PUDP: variants seen among roughly 807,000 people sequenced by gnomAD.
PUDP encodes pseudouridine 5'-phosphatase, also known as pseudouridine-5'-phosphatase.
Under a neutral mutation model 9.4 loss-of-function variants are expected in PUDP, and 8 were observed. The observed-to-expected ratio is 0.85, with a 90% confidence interval of 0.50 to 1.53. The LOEUF is 1.53. Ranked by LOEUF, PUDP falls within the 40% of genes most tolerant of loss-of-function variation. The pLI is 0.00. For synonymous variants in PUDP, 99 were observed against 80.7 expected (o/e 1.23, Z -1.22); for missense variants, 188 against 189.7 (o/e 0.99, Z 0.05).
At chrX:7,095,450 C>T (rs1931546709) in intron 2 of PUDP, among the ~76,000 whole-genome samples, 1 of 112,340 alleles carries the variant, frequency 8.9e-6, no homozygotes, top group South Asian at 3.7e-4. Flanking sequence ...GGCATGAATA[C>T]CCTTCAGGTG....
At chrX:6,911,712 T>G (rs753959132) in intron 3 of PUDP, among the ~76,000 whole-genome samples, 1 of 112,266 alleles carries the variant, frequency 8.9e-6, no homozygotes, top group African/African-American at 3.2e-5. Flanking sequence ...ATTTTAGAAG[T>G]GTGTTCTTAT....
chrX:6,770,795 C>G (rs1456353986), intron 3 of PUDP, among the ~76,000 whole-genome samples: 1 of 111,504 alleles, frequency 9.0e-6, no homozygotes, highest in Non-Finnish European at 1.9e-5. Context: ...ATATGCAATG[C>G]TGGGCTGCCT....
intron 3 of PUDP, among the ~76,000 whole-genome samples, chrX:6,773,748 T>G (rs1925404929): frequency 9.0e-6 from 1 of 111,432 alleles, no homozygotes; most frequent in Non-Finnish European, 1.9e-5. Context: ...CCCAGGAGTT[T>G]CCACCCCTTT....
intron 3 of PUDP, among the ~76,000 whole-genome samples, chrX:6,876,842 T>G (rs1271216115): frequency 9.1e-6 from 1 of 109,981 alleles, no homozygotes. Flanking sequence ...TAGACATATA[T>G]ACATATAGAC....
At chrX:6,822,877 C>A (rs748569287) in intron 3 of PUDP, among the ~76,000 whole-genome samples, 2 of 109,887 alleles carry the variant, frequency 1.8e-5, no homozygotes, top group East Asian at 2.8e-4. Flanking sequence ...TCAGGTAGAC[C>A]CCAGTTCCCT....
chrX:6,894,047 A>G (rs1013646380), intron 3 of PUDP, among the ~76,000 whole-genome samples: 14 of 111,437 alleles, frequency 1.3e-4, no homozygotes, highest in African/African-American at 4.6e-4. Flanking sequence ...GAGCTGATGG[A>G]TGAGAACACA....
chrX:7,108,451 G>A (rs1185459135), intron 1 of PUDP, among the ~76,000 whole-genome samples: 1 of 111,118 alleles, frequency 9.0e-6, no homozygotes, highest in Non-Finnish European at 1.9e-5. Flanking sequence ...CTTTTGGGTG[G>A]CCCCTGCCCT....
In PUDP at chrX:7,123,078, A is replaced by C. The variant is rs763432841; in HGVS notation, c.62-17240T>G. On this transcript the variant is annotated intron_variant, in intron 1 of 3. Coordinates refer to ENST00000381077, the MANE Select transcript of PUDP (RefSeq NM_012080.5). Reference sequence around the variant, plus strand: ...TTCTAAATCGTGCTAAGTTACCTTAAAATGAGATAAAGGACAAGAATGCTG... The same window carrying C: ...TTCTAAATCGTGCTAAGTTACCTTACAATGAGATAAAGGACAAGAATGCTG... 5.3e-5 allele frequency among the ~76,000 whole-genome samples: 6 copies of C among 112,405 alleles called. No homozygotes were observed. The East Asian group carries it at 1.7e-3, about 31-fold the overall frequency.
intron 3 of PUDP, among the ~76,000 whole-genome samples, chrX:6,772,436 G>A (rs1925378310): frequency 9.0e-6 from 1 of 110,629 alleles, no homozygotes; most frequent in Non-Finnish European, 1.9e-5. Context: ...AACAGATTGA[G>A]ACACAGAACA....
At chrX:6,718,996 G>A (rs1012173791) in intron 1 of PUDP, among the ~76,000 whole-genome samples, 5 of 111,195 alleles carry the variant, frequency 4.5e-5, no homozygotes, top group Admixed American at 9.6e-5. Flanking sequence ...GATCTTCCCC[G>A]AGAGAGGCCT....
intron 1 of PUDP, among the ~76,000 whole-genome samples, chrX:7,025,201 G>A (rs1039487960): frequency 9.0e-6 from 1 of 111,547 alleles, no homozygotes; most frequent in Non-Finnish European, 1.9e-5. Context: ...GAGAGCTGTG[G>A]CCAGCCTGTC....
intron 3 of PUDP, among the ~76,000 whole-genome samples, chrX:6,828,456 C>A (rs1354280685): frequency 9.0e-6 from 1 of 111,304 alleles, no homozygotes; most frequent in Non-Finnish European, 1.9e-5. Flanking sequence ...TTCTCACCTA[C>A]CCCCAGCACC....
intron 3 of PUDP, among the ~76,000 whole-genome samples, chrX:6,866,694 T>C (rs774608858): frequency 8.9e-6 from 1 of 111,957 alleles, no homozygotes; most frequent in Non-Finnish European, 1.9e-5. Context: ...GATCCAGTCC[T>C]AGGGGAAGGG....
At chrX:6,922,525 T>G (rs748629435) in intron 3 of PUDP, among the ~76,000 whole-genome samples, 1 of 112,413 alleles carries the variant, frequency 8.9e-6, no homozygotes, top group South Asian at 3.7e-4. Context: ...CCCAAGTAAG[T>G]TTTTAATGCC....
chrX:6,743,615 T>A (rs748192275), intron 3 of PUDP, among the ~76,000 whole-genome samples: 1 of 112,064 alleles, frequency 8.9e-6, no homozygotes, highest in Admixed American at 9.5e-5. Flanking sequence ...TGCAAGTTAA[T>A]CAATAGGTCA....
At position 6,851,309 on chromosome X, in the gene PUDP, G is replaced by A. The variant is rs768227490; in HGVS notation, c.*247+125824C>T. On this transcript the variant is annotated intron_variant and NMD_transcript_variant, in intron 3 of 3. Transcript: ENST00000655425. ...TCTGAAGATTTCTAGAGAAGTGAAAGCAATTAGACGTTATCCTTCATTTCT... is the reference window on the plus strand; with the variant it reads ...TCTGAAGATTTCTAGAGAAGTGAAAACAATTAGACGTTATCCTTCATTTCT... 7.3e-4 allele frequency among the ~76,000 whole-genome samples: 82 copies of A among 112,351 alleles called. 1 individual carries two copies. Among genetic ancestry groups the A allele is most frequent in the Middle Eastern group, 4.6e-3 (1 of 216 alleles).
At chrX:6,748,952 A>T (rs1456755823) in intron 3 of PUDP, among the ~76,000 whole-genome samples, 1 of 111,108 alleles carries the variant, frequency 9.0e-6, no homozygotes, top group Non-Finnish European at 1.9e-5. Flanking sequence ...GGCGATAAAG[A>T]AGAGAAAGGA....
At chrX:6,914,804 G>A (rs1369045842) in intron 3 of PUDP, among the ~76,000 whole-genome samples, 1 of 112,552 alleles carries the variant, frequency 8.9e-6, no homozygotes, top group Admixed American at 9.4e-5. Flanking sequence ...GGTACTAAAT[G>A]AAATAGAGCC....
chrX:6,760,193 C>T (rs181242465), intron 3 of PUDP, among the ~76,000 whole-genome samples: 2 of 111,886 alleles, frequency 1.8e-5, no homozygotes, highest in Admixed American at 1.9e-4. Context: ...GAAATTTGTT[C>T]AGCTGTCCCT....
Sources: allele counts gnomAD v4.1 joint callset (sites outside exome capture counted in the v4.1 genomes callset), GRCh38; gene constraint gnomAD v4.1.1; transcripts MANE v1.5; gene names NCBI Gene and HGNC (gene_info 2026-07-23, HGNC 2026-07-21).